The following SLIT1 variants were observed in gnomAD, a reference collection of about 807,000 sequenced individuals.
The protein encoded by SLIT1 is slit guidance ligand 1, also known as slit homolog 1 protein.
SLIT1 carries 66 observed loss-of-function variants against 186.1 expected under a neutral mutation model. The ratio of observed to expected loss-of-function variants is 0.35; its 90% CI spans 0.29 to 0.44. SLIT1 has a LOEUF of 0.44. Ranked by LOEUF, SLIT1 falls within the 20% of genes least tolerant of loss-of-function variation. The pLI is 1.00. For missense variants in SLIT1, 1,638 were observed against 2,037.4 expected (o/e 0.80, Z 3.77); for synonymous variants, 761 against 833.8 (o/e 0.91, Z 1.50).
rs3740528 is a variant in SLIT1, at chr10:97,002,294, T to G, written c.4230A>C (p.Ala1410=). The change falls in exon 36 of 37, where the codon GCA becomes GCC. Residue 1410 remains alanine, a synonymous_variant. Transcript: ENST00000266058. ...SCQCQDGYSG[A]LCNQAGALAE... ...CCAGGGCCCCGGCCTGGTTGCACAGTGCCCCCGAGTACCCATCCTGGCACT... is the reference window on the plus strand; with the variant it reads ...CCAGGGCCCCGGCCTGGTTGCACAGGGCCCCCGAGTACCCATCCTGGCACT... 0.073 allele frequency: 117,840 copies of G among 1,610,308 alleles called. 4,691 individuals are homozygous for G. The highest frequency in any genetic ancestry group is 0.13 in the East Asian group (5,661 of 44,780).
chr10:97,137,857 C>T (rs1364004017), intron 4 of SLIT1, among the ~76,000 whole-genome samples: 2 of 152,184 alleles, frequency 1.3e-5, no homozygotes, highest in South Asian at 2.1e-4. Context: ...ACAGCATCAT[C>T]TCATTTAATC....
At chr10:97,096,647 C>T (rs1476947136) in intron 4 of SLIT1, among the ~76,000 whole-genome samples, 1 of 152,180 alleles carries the variant, frequency 6.6e-6, no homozygotes, top group Non-Finnish European at 1.5e-5. Context: ...TGCTTCGCCA[C>T]CTGCCCACAG....
chr10:97,066,445 G>C (rs116560013), intron 4 of SLIT1, among the ~76,000 whole-genome samples: 1 of 152,190 alleles, frequency 6.6e-6, no homozygotes, highest in African/African-American at 2.4e-5. Context: ...CCCAAATCTC[G>C]TGTTGAATGG....
At chr10:97,062,949 C>A (rs965179192) in intron 8 of SLIT1, among the ~76,000 whole-genome samples, 3 of 152,176 alleles carry the variant, frequency 2.0e-5, no homozygotes, top group African/African-American at 7.2e-5. Context: ...GGCTTTGAGG[C>A]CCACCTCTTT....
intron 4 of SLIT1, among the ~76,000 whole-genome samples, chr10:97,087,051 T>C (rs992575564): frequency 6.6e-6 from 1 of 151,432 alleles, no homozygotes; most frequent in African/African-American, 2.4e-5. Flanking sequence ...TGCCCAATTT[T>C]ACTGTGAACC....
intron 4 of SLIT1, among the ~76,000 whole-genome samples, chr10:97,097,803 C>G (rs2134667836): frequency 6.6e-6 from 1 of 152,310 alleles, no homozygotes; most frequent in East Asian, 1.9e-4. Context: ...TTCCACTATT[C>G]CAGGAAGGCC....
intron 22 of SLIT1, among the ~76,000 whole-genome samples, chr10:97,036,377 T>C (rs1372000575): frequency 2.0e-5 from 3 of 152,078 alleles, no homozygotes; most frequent in Non-Finnish European, 2.9e-5. Flanking sequence ...ACCCCTCCCA[T>C]TGGAACATTC....
At chr10:97,074,695 T>C (rs955906516) in intron 4 of SLIT1, among the ~76,000 whole-genome samples, 3 of 151,374 alleles carry the variant, frequency 2.0e-5, no homozygotes, top group Admixed American at 6.6e-5. Flanking sequence ...CCACTTGGCC[T>C]GGAAGCATCG....
chr10:97,037,854 T>G (rs1362353464), intron 21 of SLIT1, 88 bp from the exon 22 acceptor site: 1 of 1,033,934 alleles, frequency 9.7e-7, no homozygotes, highest in Non-Finnish European at 1.5e-6. Flanking sequence ...AGCCAGGGAC[T>G]TCGCTCTCAT....
chr10:97,107,071 T>C (rs969977326), intron 4 of SLIT1, among the ~76,000 whole-genome samples: 1 of 152,246 alleles, frequency 6.6e-6, no homozygotes, highest in African/African-American at 2.4e-5. Context: ...AGAGGGAGCC[T>C]TGAGGGTCCT....
chr10:97,056,407 C>A lies in SLIT1; in HGVS notation c.1215G>T (p.Gln405His). 6.2e-7 allele frequency: 1 copy of A among 1,614,190 alleles called. No individual in the cohort carries two copies. Among genetic ancestry groups the A allele is most frequent in the Non-Finnish European group, 8.5e-7 (1 of 1,180,026 alleles). Residue 405 changes from glutamine to histidine, a missense_variant, in exon 13 of 37, where the codon CAG becomes CAT. Transcript: ENST00000266058. ...CIRPDAFQDLQNLSLLSLYDN... is the reference protein window; with the variant it reads ...CIRPDAFQDLHNLSLLSLYDN... ...CATACAGGGAGAGCAGTGAGAGGTT[C>A]TGCAGGTCCTGGAAGGCATCGGGCC...
chr10:97,031,117 G>T (rs545189871), intron 24 of SLIT1, among the ~76,000 whole-genome samples: 9 of 152,316 alleles, frequency 5.9e-5, no homozygotes, highest in South Asian at 4.1e-4. Context: ...GGACCCTAAG[G>T]GGGGAGGCGC....
intron 4 of SLIT1, 94 bp downstream of exon 4, chr10:97,157,724 G>T: frequency 1.1e-6 from 1 of 920,904 alleles, no homozygotes; most frequent in Non-Finnish European, 1.8e-6. Flanking sequence ...AGGGTCATGG[G>T]AATATCCAGG....
chr10:97,162,557 G>A (rs1473857879), intron 3 of SLIT1, among the ~76,000 whole-genome samples: 1 of 152,188 alleles, frequency 6.6e-6, no homozygotes, highest in African/African-American at 2.4e-5. Flanking sequence ...AGGTTGCAGT[G>A]AGCCGAGATC....
intron 4 of SLIT1, among the ~76,000 whole-genome samples, chr10:97,124,447 T>C (rs1434180136): frequency 6.6e-6 from 1 of 152,194 alleles, no homozygotes; most frequent in African/African-American, 2.4e-5. Flanking sequence ...TTTCATGCCT[T>C]ATCAATAATT....
Position 97,000,983 on chromosome 10 carries a change from A to T in SLIT1, c.*129T>A. 1 of 706,318 alleles carries T rather than the reference A, an allele frequency of 1.4e-6. No homozygotes were observed. Among genetic ancestry groups the T allele is most frequent in the Non-Finnish European group, 2.4e-6 (1 of 425,230 alleles). 43.8% of individuals were successfully genotyped at this position (706,318 alleles called of 1,614,324 possible). ...AGGCTGCTCTGGCACCACCCCACCC[A>T]GGAGGGCCCAGCTGCCCAGGAGCCG... On this transcript the variant is annotated 3_prime_UTR_variant, in exon 37 of 37. Transcript: ENST00000266058.
intron 28 of SLIT1, among the ~76,000 whole-genome samples, 200 bp from the exon 29 acceptor site, chr10:97,014,358 A>G (rs1011459918): frequency 1.3e-5 from 2 of 152,282 alleles, no homozygotes; most frequent in African/African-American, 4.8e-5. Context: ...TGGGGAGGCT[A>G]AAAGGAGATG....
intron 22 of SLIT1, 92 bp from the exon 23 acceptor site, chr10:97,034,634 G>T: frequency 8.5e-7 from 1 of 1,174,982 alleles, no homozygotes; most frequent in Non-Finnish European, 1.3e-6. Flanking sequence ...CTCTGCCCAG[G>T]GCCATTCCCC....
intron 4 of SLIT1, chr10:97,153,285 C>G (rs1315808288): frequency 6.6e-6 from 1 of 152,172 alleles, no homozygotes; most frequent in East Asian, 1.9e-4. Flanking sequence ...CAGAATAACC[C>G]CTAACAGGAT....
Sources: gnomAD v4.1 joint callset for allele counts (sites outside exome capture counted in the v4.1 genomes callset) on GRCh38, gnomAD v4.1.1 for gene constraint, MANE v1.5 for transcripts, NCBI Gene and HGNC (gene_info 2026-07-23, HGNC 2026-07-21) for gene names.